SH2D4B: variants seen among roughly 807,000 people sequenced by gnomAD.
SH2D4B encodes the protein SH2 domain containing 4B, also known as SH2 domain-containing protein 4B.
SH2D4B carries 45 observed loss-of-function variants against 61.5 expected under a neutral mutation model. That is an observed-to-expected ratio of 0.73 (90% confidence interval 0.58 to 0.94). The LOEUF (loss-of-function observed/expected upper bound fraction) is 0.94, where lower values mean the gene tolerates loss of function less well. Among genes scored for constraint, SH2D4B ranks in the 40% least tolerant of loss-of-function variants. The probability of loss-of-function intolerance (pLI) is 0.00; values close to 1 mark genes in which losing one functional copy is unlikely to be tolerated. For synonymous variants in SH2D4B, 224 were observed against 220.4 expected (o/e 1.02, Z -0.14); for missense variants, 572 against 574.2 (o/e 1.00, Z 0.04).
At chr10:80,569,547 C>CG (rs1244479835) in intron 1 of SH2D4B, among the ~76,000 whole-genome samples, 4 of 97,350 alleles carry the variant, frequency 4.1e-5, no homozygotes, top group South Asian at 3.5e-4. Flanking sequence ...GGGGAAGAGG[C>CG]GGGGGGGTTG....
chr10:80,635,002 A>G (rs773849237), intron 7 of SH2D4B, among the ~76,000 whole-genome samples: 10 of 152,148 alleles, frequency 6.6e-5, no homozygotes, highest in Non-Finnish European at 1.5e-4. Flanking sequence ...CACTTAGTAC[A>G]TGTGTGACCT....
chr10:80,543,192 CG>C (rs1256465177), intron 1 of SH2D4B, among the ~76,000 whole-genome samples: 1 of 152,196 alleles, frequency 6.6e-6, no homozygotes, highest in Non-Finnish European at 1.5e-5. Context: ...TTCAGCCCGC[CG>C]TTGCACTGTG....
intron 1 of SH2D4B, among the ~76,000 whole-genome samples, chr10:80,540,625 C>T (rs1841565082): frequency 1.3e-5 from 2 of 152,172 alleles, no homozygotes; most frequent in South Asian, 4.1e-4. Context: ...TCATTCACTT[C>T]CAAACTCGGA....
intron 7 of SH2D4B, among the ~76,000 whole-genome samples, chr10:80,640,114 C>A (rs562057075): frequency 3.3e-5 from 5 of 152,260 alleles, no homozygotes; most frequent in African/African-American, 1.2e-4. Flanking sequence ...TGAATATTGG[C>A]CCCCACTCTC....
rs113278370 is a variant in SH2D4B, at chr10:80,617,271, G to C, written c.988+7720G>C. 2.9e-3 allele frequency among the ~76,000 whole-genome samples: 441 copies of C among 152,288 alleles called. 4 individuals carry two copies. Among genetic ancestry groups the C allele is most frequent in the African/African-American group, 0.01 (430 of 41,552 alleles). ...CTTTAGGAGGTGCCCAGCCATCTCT[G>C]GGCTGTGGAGCCAACACTGCCCTGC... On this transcript the variant is annotated intron_variant, in intron 6 of 7. Transcript: ENST00000646907.
intron 5 of SH2D4B, chr10:80,607,469 G>C (rs1243622196): frequency 2.0e-5 from 3 of 152,282 alleles, no homozygotes; most frequent in African/African-American, 7.2e-5. Context: ...TGGGAAGACA[G>C]GGGCTGGAGG....
intron 1 of SH2D4B, among the ~76,000 whole-genome samples, chr10:80,561,408 A>G (rs1841900701): frequency 6.6e-6 from 1 of 152,252 alleles, no homozygotes; most frequent in Non-Finnish European, 1.5e-5. Flanking sequence ...GCAAAATAAA[A>G]TAAGTCAGTG....
intron 3 of SH2D4B, among the ~76,000 whole-genome samples, chr10:80,578,872 A>G (rs1257440093): frequency 6.6e-6 from 1 of 152,186 alleles, no homozygotes; most frequent in Non-Finnish European, 1.5e-5. Flanking sequence ...GAAGGGATGG[A>G]TATAGCAAAA....
In SH2D4B at chr10:80,571,337, G is replaced by A. The variant is rs563779931; in HGVS notation, c.348-94G>A. On this transcript the variant is annotated intron_variant, in intron 2 of 7. Coordinates refer to ENST00000646907, the MANE Select transcript of SH2D4B (RefSeq NM_001388272.1). ...CCAACACCGAATTCTGATAGACCAA[G>A]GAAAAATTGCTCATTGTTTTTATTT... is the stretch of plus-strand genomic sequence containing the variant. 17 of 1,439,004 alleles carry A rather than the reference G, an allele frequency of 1.2e-5. 1 individual carries two copies. The South Asian group carries it at 2.2e-4, about 19-fold the overall frequency. The allele number at this position is 1,439,004 out of a possible 1,614,324, so 89.1% of individuals were successfully genotyped here.
chr10:80,553,515 T>C (rs1841789420), intron 1 of SH2D4B, among the ~76,000 whole-genome samples: 1 of 152,212 alleles, frequency 6.6e-6, no homozygotes, highest in African/African-American at 2.4e-5. Flanking sequence ...CGTTGTGGAT[T>C]TCCCAATGAC....
At chr10:80,581,701 A>G (rs931397392) in intron 3 of SH2D4B, among the ~76,000 whole-genome samples, 33 of 152,222 alleles carry the variant, frequency 2.2e-4, no homozygotes, top group African/African-American at 8.0e-4. Context: ...GAGTTCTGTC[A>G]TTTAAGCCTC....
chr10:80,572,984 A>ATTTTTTTTTTTTTTTTTTT (rs1283153702), intron 3 of SH2D4B, among the ~76,000 whole-genome samples: 5 of 8,296 alleles, frequency 6.0e-4, no homozygotes, highest in Non-Finnish European at 1.0e-3. Flanking sequence ...ATATATATAT[A>ATTTTTTTTTTTTTTTTTTT]TATTTTTTTT....
At chr10:80,583,890 G>A (rs1478140818) in intron 3 of SH2D4B, among the ~76,000 whole-genome samples, 3 of 152,226 alleles carry the variant, frequency 2.0e-5, no homozygotes, top group South Asian at 2.1e-4. Context: ...CACAATCAAC[G>A]CAAGAAAATC....
At chr10:80,563,116 T>C (rs1404110762) in intron 1 of SH2D4B, among the ~76,000 whole-genome samples, 1 of 151,944 alleles carries the variant, frequency 6.6e-6, no homozygotes, top group East Asian at 1.9e-4. Context: ...TTAGCCGGGA[T>C]GGTCTCGATC....
intron 4 of SH2D4B, among the ~76,000 whole-genome samples, chr10:80,592,711 G>GTC (rs1442705632): frequency 7.9e-6 from 1 of 126,794 alleles, no homozygotes; most frequent in Non-Finnish European, 1.6e-5. Context: ...CTGTCTCTCT[G>GTC]TCTCTTTTTT....
rs1163090349 is a variant in SH2D4B, at chr10:80,559,259, T to A, written c.185-10895T>A. 9.2e-5 allele frequency among the ~76,000 whole-genome samples: 14 copies of A among 152,210 alleles called. No individual in the cohort carries two copies. In the East Asian group the frequency reaches 2.5e-3, roughly 27 times the overall value. ...TTTTCTAATATCTCAAATTGAAAATTAGCTTATTCACATTATATCTTTTTT... is the reference window on the plus strand; with the variant it reads ...TTTTCTAATATCTCAAATTGAAAATAAGCTTATTCACATTATATCTTTTTT... On this transcript the variant is annotated intron_variant, in intron 1 of 7. Coordinates refer to ENST00000646907, the MANE Select transcript of SH2D4B (RefSeq NM_001388272.1).
intron 1 of SH2D4B, chr10:80,541,022 G>T: frequency 1.0e-6 from 1 of 962,190 alleles, no homozygotes; most frequent in Middle Eastern, 2.0e-4. Context: ...GGAAAGGCAA[G>T]AAACTGTTAG....
At chr10:80,640,265 CTT>C (rs1840267320) in intron 7 of SH2D4B, among the ~76,000 whole-genome samples, 1 of 152,116 alleles carries the variant, frequency 6.6e-6, no homozygotes, top group Admixed American at 6.5e-5. Flanking sequence ...AATTATGTGT[CTT>C]GGGGTTGCTC....
rs562048722 is a variant in SH2D4B at position 80,556,318 on chromosome 10, T to G, written c.185-13836T>G. Among the ~76,000 whole-genome samples, 4 of 152,362 alleles carry G rather than the reference T, an allele frequency of 2.6e-5. No individual in the cohort carries two copies. In the East Asian group the frequency reaches 7.7e-4, roughly 29 times the overall value. On this transcript the variant is annotated intron_variant, in intron 1 of 7. Coordinates refer to ENST00000646907, the MANE Select transcript of SH2D4B (RefSeq NM_001388272.1). The stretch of plus-strand genomic sequence containing the variant: ...GTCTACTCTTGCACAAATACCACAT[T>G]GGCTGTTGCTTTATGATAAATCTTC...
Sources: allele counts gnomAD v4.1 joint callset (sites outside exome capture counted in the v4.1 genomes callset), GRCh38; gene constraint gnomAD v4.1.1; transcripts MANE v1.5; gene names NCBI Gene and HGNC (gene_info 2026-07-23, HGNC 2026-07-21).